The following CCDC73 variants were observed in gnomAD, a reference collection of about 807,000 sequenced individuals.
CCDC73 encodes coiled-coil domain-containing protein 73.
A neutral mutation model predicts 116.5 loss-of-function variants in CCDC73; 95 were observed. The observed-to-expected ratio is 0.82, with a 90% CI of 0.69 to 0.97. CCDC73 has a LOEUF of 0.97. Among genes scored for constraint, CCDC73 ranks in the 50% least tolerant of loss-of-function variants. The probability of loss-of-function intolerance (pLI) is 0.00; values close to 1 mark genes in which losing one functional copy is unlikely to be tolerated. For missense variants in CCDC73, 1,066 were observed against 1,206.8 expected (o/e 0.88, Z 1.73); for synonymous variants, 398 against 401.3 (o/e 0.99, Z 0.10).
At chr11:32,738,793 T>C (rs1850158207) in intron 2 of CCDC73, among the ~76,000 whole-genome samples, 1 of 152,128 alleles carries the variant, frequency 6.6e-6, no homozygotes, top group African/African-American at 2.4e-5. Context: ...TCCTGGAGAG[T>C]TTCCCCCAAT....
In CCDC73 at chr11:32,635,780, G is replaced by C; in HGVS notation, c.1101C>G (p.Ser367=). Residue 367 remains serine, a synonymous_variant, in exon 14 of 18, where the codon TCC becomes TCG. Transcript: ENST00000335185. Reference sequence around the variant, plus strand: ...GTAACTTAATATGAGTTTCTTTAAGGGATGATAATTCATTTTTAATCTTAT... The same window carrying C: ...GTAACTTAATATGAGTTTCTTTAAGCGATGATAATTCATTTTTAATCTTAT... ...EINKIKNELS[S]LKETHIKLQE... 6 of 1,252,804 alleles carry C rather than the reference G, an allele frequency of 4.8e-6. No homozygotes were observed. The highest frequency in any genetic ancestry group is 6.2e-6 in the Non-Finnish European group (6 of 970,546). The allele number at this position is 1,252,804 out of a possible 1,614,324, so 77.6% of individuals were successfully genotyped here.
intron 17 of CCDC73, among the ~76,000 whole-genome samples, chr11:32,608,795 A>C (rs1003135464): frequency 2.6e-5 from 4 of 152,194 alleles, no homozygotes; most frequent in Non-Finnish European, 4.4e-5. Context: ...GAAATCTAGG[A>C]AGAGATTCCC....
At position 32,686,209 on chromosome 11, in the gene CCDC73, C is replaced by CAAA. The variant is rs34582756; in HGVS notation, c.391-2638_391-2636dup. Among the ~76,000 whole-genome samples the CAAA allele has an allele frequency of 6.1e-3, 346 of 56,602 alleles. 1 individual carries two copies. Among genetic ancestry groups the CAAA allele is most frequent in the African/African-American group, 7.2e-3 (91 of 12,694 alleles). 37.1% of individuals were successfully genotyped at this position (56,602 alleles called of 152,430 possible). A position where few individuals can be genotyped will look rare whatever the true frequency, so the allele number is the denominator to read the frequency against. On this transcript the variant is annotated intron_variant, in intron 6 of 17. Transcript: ENST00000335185. ...TGCTAGATACACTCTGAGGGAAAGC[C>CAAA]AAAAAAAAAAAAAAAAAAAAAACCA...
chr11:32,704,527 C>T lies in CCDC73; in HGVS notation c.208-1583G>A, dbSNP rs185171165. On this transcript the variant is annotated intron_variant, in intron 3 of 17. Transcript: ENST00000335185. ...CCAGAGGGCTGAGGGTGGCTCAGCG[C>T]GGGCCCACAGGTGCCCCTTGGGATG... Among the ~76,000 whole-genome samples, 66 of 152,292 alleles carry T rather than the reference C, an allele frequency of 4.3e-4. No individual in the cohort carries two copies. In the South Asian group the frequency reaches 8.1e-3, roughly 19 times the overall value.
chr11:32,635,274 G>T (rs1414359419), intron 14 of CCDC73, among the ~76,000 whole-genome samples: 2 of 151,988 alleles, frequency 1.3e-5, no homozygotes, highest in Non-Finnish European at 2.9e-5. Context: ...TTTGGAAAAA[G>T]AACAATATTG....
At chr11:32,754,878 C>CTTTTTTTTTTTTTTT (rs34982926) in intron 2 of CCDC73, among the ~76,000 whole-genome samples, 1 of 86,566 alleles carries the variant, frequency 1.2e-5, no homozygotes, top group Non-Finnish European at 2.2e-5. Flanking sequence ...ATGGCTTCAA[C>CTTTTTTTTTTTTTTT]TTTTTTTTTT....
the CCDC73 span, among the ~76,000 whole-genome samples, chr11:32,803,864 T>C: frequency 6.6e-6 from 1 of 152,206 alleles, no homozygotes; most frequent in African/African-American, 2.4e-5. Context: ...TGGAGTGCAG[T>C]GGCACAATCT....
intron 9 of CCDC73, among the ~76,000 whole-genome samples, chr11:32,664,492 T>C (rs921290644): frequency 6.6e-6 from 1 of 152,198 alleles, no homozygotes; most frequent in Non-Finnish European, 1.5e-5. Context: ...TATTCTCTGA[T>C]GGTAGTTTGT....
chr11:32,776,964 C>CATGTATATAT (rs1565099257), intron 1 of CCDC73, among the ~76,000 whole-genome samples: 1 of 121,644 alleles, frequency 8.2e-6, no homozygotes, highest in Admixed American at 8.9e-5. Context: ...TATATATACA[C>CATGTATATAT]ACACACACAT....
intron 12 of CCDC73, 86 bp downstream of exon 12, chr11:32,653,037 G>T: frequency 1.3e-6 from 1 of 778,636 alleles, no homozygotes; most frequent in Non-Finnish European, 2.1e-6. Flanking sequence ...AAACTGGACA[G>T]AAAAATAAAC....
At chr11:32,675,839 C>A (rs751091015) in intron 8 of CCDC73, 47 bp downstream of exon 8, 17 of 1,467,998 alleles carry the variant, frequency 1.2e-5, no homozygotes. Context: ...TAAGTCCATT[C>A]AAACATTCTC....
intron 1 of CCDC73, among the ~76,000 whole-genome samples, chr11:32,772,193 AT>A (rs1004149515): frequency 2.4e-4 from 36 of 152,148 alleles, no homozygotes; most frequent in African/African-American, 2.4e-5. Flanking sequence ...TTTTAGTTTA[AT>A]TTTTTTTATT....
chr11:32,731,415 G>C (rs1336552322), intron 2 of CCDC73, among the ~76,000 whole-genome samples: 1 of 152,206 alleles, frequency 6.6e-6, no homozygotes, highest in Non-Finnish European at 1.5e-5. Flanking sequence ...CGACAGCTTT[G>C]AAGAGAGTAG....
chr11:32,654,716 A>T (rs1261483647), intron 10 of CCDC73, 128 bp downstream of exon 10: 1 of 698,120 alleles, frequency 1.4e-6, no homozygotes, highest in Non-Finnish European at 2.2e-6. Context: ...AAAAAAACAG[A>T]TTAATAATAC....
chr11:32,606,753 TA>T (rs963037783), intron 17 of CCDC73, among the ~76,000 whole-genome samples: 1 of 150,182 alleles, frequency 6.7e-6, no homozygotes, highest in Non-Finnish European at 1.5e-5. Flanking sequence ...GTTTCATCTG[TA>T]AAAAAAATTA....
chr11:32,707,368 T>G (rs1290951200), intron 3 of CCDC73, among the ~76,000 whole-genome samples: 1 of 151,910 alleles, frequency 6.6e-6, no homozygotes, highest in African/African-American at 2.4e-5. Context: ...TTATCTTCAG[T>G]GCTACTCGAA....
At chr11:32,790,793 C>T (rs1266876405) in intron 1 of CCDC73, among the ~76,000 whole-genome samples, 1 of 151,934 alleles carries the variant, frequency 6.6e-6, no homozygotes, top group African/African-American at 2.4e-5. Context: ...CATTATGAAA[C>T]TATAACATAA....
intron 14 of CCDC73, among the ~76,000 whole-genome samples, chr11:32,631,837 T>C (rs180789588): frequency 2.6e-5 from 4 of 152,194 alleles, no homozygotes; most frequent in African/African-American, 9.6e-5. Context: ...CAAGACCCTG[T>C]CTCTCTTTCA....
At chr11:32,664,528 C>A (rs1204820968) in intron 9 of CCDC73, among the ~76,000 whole-genome samples, 2 of 152,054 alleles carry the variant, frequency 1.3e-5, no homozygotes, top group African/African-American at 4.8e-5. Flanking sequence ...GTGGTGATAT[C>A]CCCTTTATCC....
Sources: gnomAD v4.1 joint callset for allele counts (sites outside exome capture counted in the v4.1 genomes callset) on GRCh38, gnomAD v4.1.1 for gene constraint, MANE v1.5 for transcripts, NCBI Gene and HGNC (gene_info 2026-07-23, HGNC 2026-07-21) for gene names.